PTPRN2: variants seen among roughly 807,000 people sequenced by gnomAD.
PTPRN2 encodes protein tyrosine phosphatase receptor type N2.
Under a neutral mutation model 118.8 loss-of-function variants are expected in PTPRN2, and 74 were observed. The observed-to-expected ratio is 0.62, with a 90% CI of 0.52 to 0.76. PTPRN2 has a LOEUF of 0.76. Among genes scored for constraint, PTPRN2 ranks in the 30% least tolerant of loss-of-function variants. PTPRN2 has a pLI of 0.00. For missense variants in PTPRN2, 1,481 were observed against 1,394.4 expected (o/e 1.06, Z -0.99); for synonymous variants, 641 against 608.0 (o/e 1.05, Z -0.80).
chr7:158,264,513 C>A (rs1422064753), intron 3 of PTPRN2, among the ~76,000 whole-genome samples: 2 of 152,184 alleles, frequency 1.3e-5, no homozygotes, highest in Admixed American at 6.5e-5. Flanking sequence ...TCGCCATGGG[C>A]CACACGTGAC....
intron 3 of PTPRN2, among the ~76,000 whole-genome samples, chr7:158,227,183 G>T (rs1414048690): frequency 6.6e-6 from 1 of 152,128 alleles, no homozygotes; most frequent in Admixed American, 6.5e-5. Context: ...AAGTAAAGAG[G>T]ATGGGATAGA....
intron 2 of PTPRN2, among the ~76,000 whole-genome samples, chr7:158,433,737 C>T (rs1816386923): frequency 6.6e-6 from 1 of 151,954 alleles, no homozygotes; most frequent in Non-Finnish European, 1.5e-5. Context: ...TCTTTAACTT[C>T]AATTTTCTGT....
At chr7:158,178,589 CT>C (rs56710690) in intron 5 of PTPRN2, among the ~76,000 whole-genome samples, 1,521 of 67,362 alleles carry the variant, frequency 0.023, 45 homozygotes, top group African/African-American at 0.03. Context: ...CATTTTCTTT[CT>C]TTTTTTTTTT....
chr7:157,763,744 T>C lies in PTPRN2; in HGVS notation c.1789-80807A>G, dbSNP rs1638754. Among the ~76,000 whole-genome samples the C allele has an allele frequency of 0.33, 49,868 of 151,678 alleles. 10,846 individuals carry two copies. The highest frequency in any genetic ancestry group is 0.62 in the African/African-American group (25,407 of 41,304). On this transcript the variant is annotated intron_variant, in intron 12 of 22. Transcript: ENST00000389418. This position sits in a 1 kb window ranked among gnomAD's most constrained non-coding sequence, Gnocchi z 4.9. ...CTCTCTTCGCAGTGCAGTCACTTGC[T>C]GGAGTCTCCTGAGGGCAGGAGAGCC...
chr7:157,747,314 G>T (rs1356502860), intron 12 of PTPRN2, among the ~76,000 whole-genome samples: 5 of 140,026 alleles, frequency 3.6e-5, no homozygotes, highest in Non-Finnish European at 7.7e-5. Flanking sequence ...GGGTGTCCGG[G>T]TGATTCTGAG....
chr7:158,524,507 CGTCTGCCCTGGAGTGGA>C (rs1273949053), intron 1 of PTPRN2, among the ~76,000 whole-genome samples: 1,910 of 132,108 alleles, frequency 0.014, 16 homozygotes, highest in East Asian at 0.032. Flanking sequence ...GGAGTGGAGT[CGTCTGCCCTGGAGTGGA>C]GTCTGCCCTG....
intron 11 of PTPRN2, among the ~76,000 whole-genome samples, chr7:158,065,878 T>C (rs534792103): frequency 1.3e-5 from 2 of 152,324 alleles, no homozygotes; most frequent in South Asian, 2.1e-4. Context: ...TATTTTAGAA[T>C]AAGAAATTAT....
intron 1 of PTPRN2, among the ~76,000 whole-genome samples, chr7:158,512,967 T>C (rs1823283430): frequency 6.6e-6 from 1 of 152,236 alleles, no homozygotes; most frequent in Non-Finnish European, 1.5e-5. Flanking sequence ...ACAAATCTCC[T>C]GTGCAGAATT....
intron 11 of PTPRN2, among the ~76,000 whole-genome samples, chr7:157,919,483 C>T (rs192065448): frequency 9.1e-4 from 139 of 152,092 alleles, no homozygotes; most frequent in African/African-American, 3.2e-3. Flanking sequence ...AAAGTAGGCA[C>T]TCCATTTATG....
chr7:158,247,323 G>A (rs1385119097), intron 3 of PTPRN2, among the ~76,000 whole-genome samples: 2 of 152,238 alleles, frequency 1.3e-5, no homozygotes, highest in Non-Finnish European at 2.9e-5. Flanking sequence ...GGGTCTCACA[G>A]GAGAAGGCCG....
intron 12 of PTPRN2, among the ~76,000 whole-genome samples, chr7:157,839,967 A>T (rs1808258459): frequency 7.0e-6 from 1 of 142,018 alleles, no homozygotes; most frequent in Admixed American, 7.0e-5. Flanking sequence ...GCCACGTGTG[A>T]CTGTGTGACC....
chr7:158,465,129 G>T (rs1819298544), intron 2 of PTPRN2, among the ~76,000 whole-genome samples: 1 of 152,208 alleles, frequency 6.6e-6, no homozygotes, highest in Non-Finnish European at 1.5e-5. Flanking sequence ...CCTAAAGCAT[G>T]CTGGGCCTCC....
At chr7:158,371,240 G>C (rs1409197755) in intron 2 of PTPRN2, among the ~76,000 whole-genome samples, 2 of 151,352 alleles carry the variant, frequency 1.3e-5, no homozygotes, top group African/African-American at 4.9e-5. Flanking sequence ...CCTTTTTTTG[G>C]TAGGAAAAAT....
chr7:157,559,156 G>A (rs886514389), intron 21 of PTPRN2, among the ~76,000 whole-genome samples: 2 of 152,170 alleles, frequency 1.3e-5, no homozygotes, highest in Non-Finnish European at 2.9e-5. Context: ...TGACTCCATC[G>A]GGGGACCCCC....
At chr7:158,267,252 C>G (rs188585073) in intron 3 of PTPRN2, among the ~76,000 whole-genome samples, 1 of 152,220 alleles carries the variant, frequency 6.6e-6, no homozygotes, top group Non-Finnish European at 1.5e-5. Flanking sequence ...TGTGAGCACA[C>G]GGGATGATGG....
intron 6 of PTPRN2, among the ~76,000 whole-genome samples, chr7:158,139,754 G>C (rs999715545): frequency 2.0e-5 from 3 of 152,188 alleles, no homozygotes; most frequent in African/African-American, 7.2e-5. Flanking sequence ...GAGGCCGCCA[G>C]ACACCCTGCA....
intron 2 of PTPRN2, among the ~76,000 whole-genome samples, chr7:158,443,272 G>A (rs374183530): frequency 5.9e-5 from 9 of 152,316 alleles, no homozygotes; most frequent in East Asian, 3.9e-4. Flanking sequence ...CCAGGGCAGC[G>A]CCAGGCATGG....
At chr7:158,332,689 C>T in intron 2 of PTPRN2, among the ~76,000 whole-genome samples, 1 of 149,462 alleles carries the variant, frequency 6.7e-6, no homozygotes, top group African/African-American at 2.5e-5. Context: ...ACACTCTAAC[C>T]ATAAGAGTTG....
intron 14 of PTPRN2, among the ~76,000 whole-genome samples, chr7:157,649,116 A>T (rs1323324757): frequency 1.6e-5 from 2 of 124,670 alleles, no homozygotes; most frequent in Non-Finnish European, 1.7e-5. Context: ...GGTCGGACCC[A>T]TTCACTGTGC....
Sources: gnomAD v4.1 joint callset for allele counts (sites outside exome capture counted in the v4.1 genomes callset) on GRCh38, gnomAD v4.1.1 for gene constraint, Gnocchi (gnomAD v3.1) non-coding constraint, MANE v1.5 for transcripts, NCBI Gene and HGNC (gene_info 2026-07-23, HGNC 2026-07-21) for gene names.